ANK1: variants seen among roughly 807,000 people sequenced by gnomAD.
ANK1 encodes ankyrin 1.
A neutral mutation model predicts 210.4 loss-of-function variants in ANK1; 51 were observed. The observed-to-expected ratio is 0.24, with a 90% CI of 0.19 to 0.31. ANK1 has a LOEUF of 0.31. ANK1 is among the 10% of genes least tolerant of loss of function. The pLI is 1.00. For synonymous variants in ANK1, 967 were observed against 1,025.9 expected (o/e 0.94, Z 1.10); for missense variants, 2,051 against 2,504.4 (o/e 0.82, Z 3.86).
At chr8:41,834,888 C>T (rs1282457500) in intron 1 of ANK1, among the ~76,000 whole-genome samples, 3 of 152,254 alleles carry the variant, frequency 2.0e-5, no homozygotes, top group African/African-American at 7.2e-5. Flanking sequence ...AGTGCTGCCG[C>T]CTACTGCTCA....
chr8:41,785,193 A>G (rs530824398), intron 1 of ANK1, among the ~76,000 whole-genome samples: 4 of 152,236 alleles, frequency 2.6e-5, no homozygotes, highest in Non-Finnish European at 5.9e-5. Context: ...CCTCTTCTCT[A>G]CAAAAAATTT....
chr8:41,809,772 C>A (rs1587128232), intron 1 of ANK1, among the ~76,000 whole-genome samples: 1 of 152,240 alleles, frequency 6.6e-6, no homozygotes, highest in East Asian at 1.9e-4. Flanking sequence ...ACCTCTAAAA[C>A]AAAATAAAAA....
chr8:41,893,730 G>A (rs1432891459), intron 1 of ANK1, among the ~76,000 whole-genome samples: 3 of 152,192 alleles, frequency 2.0e-5, no homozygotes, highest in Non-Finnish European at 4.4e-5. Flanking sequence ...GGAGTAACAT[G>A]TTTGTCTGCA....
rs548639499 is a variant in ANK1, at chr8:41,859,439, C to T, written c.126+36916G>A. ...TTGGCTCACTGCAACCTCCACTTCC[C>T]GGGTTCAAGTGATTCTCTTGCTTCA... On this transcript the variant is annotated intron_variant, in intron 1 of 42. Coordinates refer to the ANK1 transcript ENST00000265709. Among the ~76,000 whole-genome samples the T allele has an allele frequency of 2.0e-5, 3 of 152,338 alleles. No homozygotes were observed. The South Asian group carries it at 6.2e-4, about 32-fold the overall frequency.
At chr8:41,859,046 G>A (rs763525435) in intron 1 of ANK1, among the ~76,000 whole-genome samples, 2 of 152,220 alleles carry the variant, frequency 1.3e-5, no homozygotes, top group Non-Finnish European at 2.9e-5. Context: ...GGTGCCGCAG[G>A]AGAGCAGGGC....
At chr8:41,703,432 ATATATATATATATATATATT>A (rs1160578820) in intron 20 of ANK1, among the ~76,000 whole-genome samples, 3 of 65,986 alleles carry the variant, frequency 4.5e-5, no homozygotes, top group Admixed American at 2.3e-4. Context: ...GTATATATAT[ATATATATATATATATATATT>A]TTTTTTTTTT....
At chr8:41,723,687 C>T (rs1409478901) in intron 7 of ANK1, 54 bp from the exon 8 acceptor site, 3 of 1,531,498 alleles carry the variant, frequency 2.0e-6, no homozygotes, top group Admixed American at 3.4e-5. Context: ...TGGAATGCAG[C>T]TGCTGTGCAC....
At chr8:41,770,275 G>A (rs1051280599) in intron 1 of ANK1, among the ~76,000 whole-genome samples, 1 of 152,084 alleles carries the variant, frequency 6.6e-6, no homozygotes, top group Non-Finnish European at 1.5e-5. Flanking sequence ...GAGCCACTGC[G>A]CCCAGCTTAT....
chr8:41,776,799 G>A (rs1432706428), intron 1 of ANK1, among the ~76,000 whole-genome samples: 2 of 152,182 alleles, frequency 1.3e-5, no homozygotes, highest in African/African-American at 4.8e-5. Context: ...AGGAAGACAG[G>A]ATCCTTCCTC....
chr8:41,790,924 T>C (rs1294382308), intron 1 of ANK1, among the ~76,000 whole-genome samples: 2 of 152,114 alleles, frequency 1.3e-5, no homozygotes, highest in South Asian at 2.1e-4. Context: ...CCTCTAGCCA[T>C]TGACTCCCTT....
At chr8:41,762,328 A>G (rs1840672562) in intron 1 of ANK1, among the ~76,000 whole-genome samples, 2 of 151,294 alleles carry the variant, frequency 1.3e-5, no homozygotes, top group South Asian at 4.2e-4. Context: ...GACACTCAGT[A>G]TTTGCCATCT....
intron 22 of ANK1, chr8:41,700,410 T>TAA: frequency 6.2e-7 from 1 of 1,611,948 alleles, no homozygotes; most frequent in East Asian, 2.2e-5. Context: ...AAGACCACAG[T>TAA]AAACAGAAAG....
chr8:41,682,016 G>T (rs1368436375), intron 37 of ANK1, among the ~76,000 whole-genome samples: 1 of 152,168 alleles, frequency 6.6e-6, no homozygotes, highest in Non-Finnish European at 1.5e-5. Flanking sequence ...AACTACTCGG[G>T]AGAGGGCTCC....
At chr8:41,700,192 C>T (rs887579365) in intron 22 of ANK1, among the ~76,000 whole-genome samples, 17 of 152,150 alleles carry the variant, frequency 1.1e-4, no homozygotes, top group African/African-American at 1.9e-4. Flanking sequence ...ACAGCTCATG[C>T]GGTTATGATC....
At chr8:41,884,118 G>A (rs1291153230) in intron 1 of ANK1, among the ~76,000 whole-genome samples, 1 of 152,176 alleles carries the variant, frequency 6.6e-6, no homozygotes, top group Non-Finnish European at 1.5e-5. Context: ...GGGAGGCCGA[G>A]GCAGACAGAT....
upstream of ANK1, among the ~76,000 whole-genome samples, chr8:41,797,779 G>A (rs749399419): frequency 2.0e-5 from 3 of 152,000 alleles, no homozygotes; most frequent in Non-Finnish European, 4.4e-5. The surrounding 1 kb of genome is among the most constrained non-coding windows in gnomAD (Gnocchi z 4.0). Context: ...AACCCCAGGA[G>A]GCCCCGCTCC....
intron 42 of ANK1, chr8:41,660,967 G>A: frequency 3.6e-6 from 1 of 274,492 alleles, no homozygotes; most frequent in South Asian, 3.6e-5. Flanking sequence ...CCATTGCTTG[G>A]TTTCCAAGAT....
At chr8:41,797,896 T>G, upstream of ANK1, among the ~76,000 whole-genome samples, 1 of 151,332 alleles carries the variant, frequency 6.6e-6, no homozygotes, top group Non-Finnish European at 1.5e-5. The surrounding 1 kb of genome is among the most constrained non-coding windows in gnomAD (Gnocchi z 4.0). Flanking sequence ...GCTGAGAGGG[T>G]AGTAAATGAA....
At chr8:41,803,053 A>AAGAAAGAGAAAGAAAGAG (rs1850279095) in intron 1 of ANK1, among the ~76,000 whole-genome samples, 3 of 80,584 alleles carry the variant, frequency 3.7e-5, no homozygotes, top group African/African-American at 1.6e-4. Flanking sequence ...GAAAGAAAGA[A>AAGAAAGAGAAAGAAAGAG]AGAGAGAAAG....
Sources: gnomAD v4.1 joint callset for allele counts (sites outside exome capture counted in the v4.1 genomes callset) on GRCh38, gnomAD v4.1.1 for gene constraint, Gnocchi (gnomAD v3.1) non-coding constraint, MANE v1.5 for transcripts, NCBI Gene and HGNC (gene_info 2026-07-23, HGNC 2026-07-21) for gene names.